RAE1: variants seen among roughly 807,000 people sequenced by gnomAD.
The protein encoded by RAE1 is ribonucleic acid export 1, also known as mRNA export factor RAE1.
A neutral mutation model predicts 52.7 loss-of-function variants in RAE1; 13 were observed. The ratio of observed to expected loss-of-function variants is 0.25; its 90% CI spans 0.16 to 0.39. The LOEUF (loss-of-function observed/expected upper bound fraction) is 0.39. Among genes scored for constraint, RAE1 ranks in the 10% least tolerant of loss-of-function variants. The pLI is 1.00. For missense variants in RAE1, 262 were observed against 459.8 expected (o/e 0.57, Z 3.93); for synonymous variants, 164 against 153.1 (o/e 1.07, Z -0.52).
chr20:57,362,293 CTG>C (rs1270550531), intron 4 of RAE1, among the ~76,000 whole-genome samples: 5 of 152,356 alleles, frequency 3.3e-5, no homozygotes, highest in East Asian at 3.9e-4. Context: ...ATCAGCTTCT[CTG>C]AGGCATTTTT....
Position 57,378,159 on chromosome 20 carries a change from G to T in RAE1, c.*60G>T. On this transcript the variant is annotated 3_prime_UTR_variant, in exon 12 of 12. Transcript: ENST00000395841. ...TCTCCACTCTGCCTCATCTCTGTAC[G>T]AATTTGGGTCCCAGCCTTGTTGGGT... The T allele has an allele frequency of 7.3e-7, 1 of 1,361,556 alleles. No individual in the cohort carries two copies. Among genetic ancestry groups the T allele is most frequent in the Non-Finnish European group, 1.0e-6 (1 of 984,590 alleles). 84.3% of individuals were successfully genotyped at this position (1,361,556 alleles called of 1,614,324 possible).
intron 4 of RAE1, among the ~76,000 whole-genome samples, chr20:57,364,946 T>C (rs191702769): frequency 1.3e-5 from 2 of 152,244 alleles, no homozygotes; most frequent in African/African-American, 4.8e-5. Context: ...ATGTTTACAA[T>C]TGATGAATCT....
At chr20:57,355,864 A>G (rs2066777670) in intron 3 of RAE1, among the ~76,000 whole-genome samples, 1 of 152,182 alleles carries the variant, frequency 6.6e-6, no homozygotes, top group Non-Finnish European at 1.5e-5. Context: ...TGCTGCTTAA[A>G]AAAAGGATGT....
chr20:57,352,012 C>G, intron 1 of RAE1: 5 of 971,198 alleles, frequency 5.1e-6, no homozygotes, highest in Non-Finnish European at 3.7e-6. Flanking sequence ...AGTGGCTGCC[C>G]TCTTGGAGCC....
Position 57,373,075 on chromosome 20 carries a change from C to A in RAE1, c.643-400C>A, listed in dbSNP as rs553689733. 84 of 242,228 alleles carry A rather than the reference C, an allele frequency of 3.5e-4. 1 individual carries two copies. The highest frequency in any genetic ancestry group is 1.9e-3 in the African/African-American group (83 of 43,612). The allele number at this position is 242,228 out of a possible 1,614,324, so 15.0% of individuals were successfully genotyped here. On this transcript the variant is annotated intron_variant, in intron 8 of 11. Transcript: ENST00000395841. Reference sequence around the variant, plus strand: ...GAGACGGGTGCGGCAGAGCCTGCATCCCTCCTCCAGCTGGGGAGGCAGAAG... The same window carrying A: ...GAGACGGGTGCGGCAGAGCCTGCATACCTCCTCCAGCTGGGGAGGCAGAAG...
chr20:57,378,001 T>C lies in RAE1; in HGVS notation c.1021-12T>C. 1 of 1,572,370 alleles carries C rather than the reference T, an allele frequency of 6.4e-7. No individual in the cohort carries two copies. The highest frequency in any genetic ancestry group is 8.7e-7 in the Non-Finnish European group (1 of 1,150,848). On this transcript the variant is annotated splice_polypyrimidine_tract_variant and intron_variant, in intron 11 of 11. Coordinates refer to ENST00000395841, the MANE Select transcript of RAE1 (RefSeq NM_003610.4). ...GAATAATAAGATCATTGGTGTTTTT[T>C]GCTCTCTTTAGGGACATGAATTTTA...
At chr20:57,358,791 A>G (rs1036986830) in intron 4 of RAE1, 1 of 424,616 alleles carries the variant, frequency 2.4e-6, no homozygotes, top group Non-Finnish European at 4.1e-6. Context: ...TCGATGTGTA[A>G]TAACTCACTT....
intron 4 of RAE1, chr20:57,359,245 G>A: frequency 2.7e-6 from 1 of 371,678 alleles, no homozygotes; most frequent in Non-Finnish European, 4.8e-6. Flanking sequence ...GCCTGTGTTG[G>A]GTTAACAGTG....
rs79368337 is a variant in RAE1, at chr20:57,373,850, T to C, written c.825+112T>C. 4,594 of 1,128,056 alleles carry C rather than the reference T, an allele frequency of 4.1e-3. 134 individuals carry two copies. In the African/African-American group the frequency reaches 0.065, roughly 16 times the overall value. 69.9% of individuals were successfully genotyped at this position (1,128,056 alleles called of 1,614,324 possible). A position where few individuals can be genotyped will look rare whatever the true frequency, so the allele number is the denominator to read the frequency against. On this transcript the variant is annotated intron_variant, in intron 10 of 11. Transcript: ENST00000395841. ...CATCACTGAAGAGCTTGTGTGTTCA[T>C]GTCCGGAGATAAGTGGCTTATGCTG...
intron 11 of RAE1, among the ~76,000 whole-genome samples, chr20:57,376,983 A>C (rs2067125272): frequency 6.6e-6 from 1 of 152,230 alleles, no homozygotes; most frequent in African/African-American, 2.4e-5. Context: ...TTTTTAGTTT[A>C]AAAGAGAAAT....
At chr20:57,367,970 A>G (rs183705943) in intron 7 of RAE1, among the ~76,000 whole-genome samples, 6 of 151,150 alleles carry the variant, frequency 4.0e-5, no homozygotes, top group Non-Finnish European at 7.4e-5. Flanking sequence ...GCTCACTGCA[A>G]CCTCTGCCTT....
intron 11 of RAE1, among the ~76,000 whole-genome samples, chr20:57,377,310 C>T (rs978372636): frequency 3.3e-5 from 5 of 152,224 alleles, no homozygotes; most frequent in African/African-American, 9.7e-5. Flanking sequence ...TCCGGATCAT[C>T]TGCCTGGCCC....
Position 57,378,265 on chromosome 20 carries a change from G to A in RAE1, c.*166G>A, listed in dbSNP as rs754073200. ...AGCTGAGAGCCCAGGCGTCCGCGGC[G>A]ACTTGCCGTCTCTCCATTCCACTGC... On this transcript the variant is annotated 3_prime_UTR_variant, in exon 12 of 12. Transcript: ENST00000395841. The A allele has an allele frequency of 2.1e-5, 12 of 579,852 alleles. No homozygotes were observed. The highest frequency in any genetic ancestry group is 4.6e-4 in the Middle Eastern group (1 of 2,180). The allele number at this position is 579,852 out of a possible 1,614,324, so 35.9% of individuals were successfully genotyped here.
chr20:57,362,786 T>TTTTG (rs1362508942), intron 4 of RAE1, among the ~76,000 whole-genome samples: 1 of 151,854 alleles, frequency 6.6e-6, no homozygotes, highest in Non-Finnish European at 1.5e-5. Context: ...AGAGGTAAAT[T>TTTTG]TTTGTTTGTT....
At chr20:57,372,793 T>G (rs2146174106) in intron 8 of RAE1, 1 of 152,436 alleles carries the variant, frequency 6.6e-6, no homozygotes, top group South Asian at 2.1e-4. Flanking sequence ...ATGACCAGCT[T>G]AGGCAGGGTG....
At chr20:57,366,747 A>C (rs766517135) in intron 5 of RAE1, 60 bp from the exon 6 acceptor site, 2 of 1,477,462 alleles carry the variant, frequency 1.4e-6, no homozygotes, top group Non-Finnish European at 9.4e-7. Context: ...GCCACAACTA[A>C]AGCTGTTCAG....
intron 8 of RAE1, chr20:57,373,130 G>T (rs942212465): frequency 9.8e-6 from 3 of 304,958 alleles, no homozygotes; most frequent in Non-Finnish European, 1.9e-5. Flanking sequence ...CTCCTGAGGG[G>T]TGTCTGCCTA....
rs758896612 is a variant in RAE1 at position 57,358,972 on chromosome 20, C to T, written c.288+2434C>T. On this transcript the variant is annotated intron_variant, in intron 4 of 11. Coordinates refer to ENST00000395841, the MANE Select transcript of RAE1 (RefSeq NM_003610.4). ...TTTTCTCGTCTTATTTGTTTATATCCGCCTCTTCACGGATAGATCAATTTC... is the reference window on the plus strand; with the variant it reads ...TTTTCTCGTCTTATTTGTTTATATCTGCCTCTTCACGGATAGATCAATTTC... 30 of 1,469,600 alleles carry T rather than the reference C, an allele frequency of 2.0e-5. 1 individual carries two copies. The highest frequency in any genetic ancestry group is 2.4e-4 in the Middle Eastern group (1 of 4,114). The allele number at this position is 1,469,600 out of a possible 1,614,324, so 91.0% of individuals were successfully genotyped here.
chr20:57,357,345 CTAAA>C (rs1469050922), intron 4 of RAE1: 1 of 152,158 alleles, frequency 6.6e-6, no homozygotes, highest in Non-Finnish European at 1.5e-5. Context: ...AGAGTATCAT[CTAAA>C]TAAATCCTAT....
Sources: gnomAD v4.1 joint callset for allele counts (sites outside exome capture counted in the v4.1 genomes callset) on GRCh38, gnomAD v4.1.1 for gene constraint, MANE v1.5 for transcripts, NCBI Gene and HGNC (gene_info 2026-07-23, HGNC 2026-07-21) for gene names.